ELFN1: variants seen among roughly 807,000 people sequenced by gnomAD.
ELFN1 encodes protein ELFN1.
ELFN1 carries 6 observed loss-of-function variants against 7.6 expected under a neutral mutation model. That is an observed-to-expected ratio of 0.79 (90% CI 0.43 to 1.56). The LOEUF (loss-of-function observed/expected upper bound fraction) is 1.56, where lower values mean the gene tolerates loss of function less well. ELFN1 is among the 40% of genes most tolerant of loss of function. ELFN1 has a pLI of 0.01. For synonymous variants in ELFN1, 657 were observed against 588.1 expected (o/e 1.12, Z -1.70); for missense variants, 1,169 against 1,232.2 (o/e 0.95, Z 0.77).
chr7:1,685,925 TAA>T (rs1208281273), intron 1 of ELFN1, among the ~76,000 whole-genome samples: 1 of 147,824 alleles, frequency 6.8e-6, no homozygotes, highest in Non-Finnish European at 1.5e-5. Flanking sequence ...ATATAAGTAT[TAA>T]AATATATATA....
intron 3 of ELFN1, among the ~76,000 whole-genome samples, chr7:1,710,368 G>A (rs1312628616): frequency 6.6e-6 from 1 of 152,202 alleles, no homozygotes; most frequent in East Asian, 1.9e-4. Context: ...TTAGAGGGAG[G>A]TATCTCAGGA....
At position 1,740,130 on chromosome 7, in the gene ELFN1, A is replaced by T. The variant is rs533114158; in HGVS notation, c.-293-4174A>T. Reference sequence around the variant, plus strand: ...CATTGCAGAGGGCTGGAGGTATCAGACCTGAGGGGTGCCCATTCCAGAGGC... The same window carrying T: ...CATTGCAGAGGGCTGGAGGTATCAGTCCTGAGGGGTGCCCATTCCAGAGGC... On this transcript the variant is annotated intron_variant, in intron 3 of 3. Coordinates refer to ENST00000424383, the MANE Select transcript of ELFN1 (RefSeq NM_001128636.4). The surrounding 1 kb of genome is among the most constrained non-coding windows in gnomAD (Gnocchi z 5.0). Among the ~76,000 whole-genome samples the T allele has an allele frequency of 5.9e-5, 9 of 152,248 alleles. No homozygotes were observed. Among genetic ancestry groups the T allele is most frequent in the African/African-American group, 1.9e-4 (8 of 41,538 alleles).
rs112518786 is a variant in ELFN1, at chr7:1,735,460, G to C, written c.-293-8844G>C. 0.11 allele frequency among the ~76,000 whole-genome samples: 17,415 copies of C among 152,050 alleles called. 3,056 individuals are homozygous for C. Among genetic ancestry groups the C allele is most frequent in the African/African-American group, 0.38 (15,879 of 41,430 alleles). ...AGCCCGGCCTCCTGGAGGGCAAGGC[G>C]GAGGTCAGGGGCCTGCTAGACCCAA... On this transcript the variant is annotated intron_variant, in intron 3 of 3. Transcript: ENST00000424383. The surrounding 1 kb of genome is among the most constrained non-coding windows in gnomAD (Gnocchi z 5.9).
chr7:1,678,653 C>T (rs867327525), intron 1 of ELFN1, among the ~76,000 whole-genome samples: 2 of 152,334 alleles, frequency 1.3e-5, no homozygotes, highest in Middle Eastern at 3.4e-3. Flanking sequence ...CTGGTGTCCT[C>T]TTCCTGCACC....
rs934513272 is a variant in ELFN1, at chr7:1,735,194, G to A, written c.-293-9110G>A. Among the ~76,000 whole-genome samples, 8 of 152,246 alleles carry A rather than the reference G, an allele frequency of 5.3e-5. No homozygotes were observed. Among genetic ancestry groups the A allele is most frequent in the East Asian group, 3.9e-4 (2 of 5,174 alleles). On this transcript the variant is annotated intron_variant, in intron 3 of 3. Coordinates refer to ENST00000424383, the MANE Select transcript of ELFN1 (RefSeq NM_001128636.4). The surrounding 1 kb of genome is among the most constrained non-coding windows in gnomAD (Gnocchi z 5.9). ...CATGCGGGAGGTGCTGCACACCGGC[G>A]GACCGTCGAGGAAACAGGAGCTTTT...
intron 3 of ELFN1, among the ~76,000 whole-genome samples, chr7:1,726,803 G>C (rs1254947919): frequency 6.6e-6 from 1 of 152,206 alleles, no homozygotes; most frequent in South Asian, 2.1e-4. Context: ...GCCCACAGGC[G>C]GGCTGGGATG....
intron 3 of ELFN1, among the ~76,000 whole-genome samples, chr7:1,736,603 G>A (rs1225848566): frequency 6.6e-6 from 1 of 152,230 alleles, no homozygotes; most frequent in East Asian, 1.9e-4. Flanking sequence ...GGACAGCGGG[G>A]TGCTCTCTGC....
intron 2 of ELFN1, among the ~76,000 whole-genome samples, chr7:1,700,824 T>C (rs1779411245): frequency 6.6e-6 from 1 of 152,262 alleles, no homozygotes; most frequent in Non-Finnish European, 1.5e-5. Flanking sequence ...CCTGGTATCT[T>C]ACCAAGCTTT....
At chr7:1,725,916 CACA>C (rs1780180757) in intron 3 of ELFN1, among the ~76,000 whole-genome samples, 1 of 151,906 alleles carries the variant, frequency 6.6e-6, no homozygotes, top group African/African-American at 2.4e-5. Flanking sequence ...AAAAATCACA[CACA>C]ACACACCCTC....
At chr7:1,690,649 G>A (rs950977615) in intron 2 of ELFN1, among the ~76,000 whole-genome samples, 4 of 151,442 alleles carry the variant, frequency 2.6e-5, no homozygotes, top group East Asian at 3.9e-4. Flanking sequence ...ATGAATGGGT[G>A]GGTGGAGAGG....
At chr7:1,724,099 C>A (rs9886168) in intron 3 of ELFN1, among the ~76,000 whole-genome samples, 1 of 152,118 alleles carries the variant, frequency 6.6e-6, no homozygotes, top group African/African-American at 2.4e-5. Context: ...ACATGTCTGC[C>A]CCTCGTCTGT....
chr7:1,666,790 G>T (rs760114318), upstream of ELFN1, among the ~76,000 whole-genome samples: 10 of 151,724 alleles, frequency 6.6e-5, no homozygotes, highest in Non-Finnish European at 1.2e-4. This position sits in a 1 kb window ranked among gnomAD's most constrained non-coding sequence, Gnocchi z 7.9. Flanking sequence ...TCGCAAAGCC[G>T]GCGTGGGGGG....
intron 2 of ELFN1, among the ~76,000 whole-genome samples, chr7:1,698,459 C>T (rs539306582): frequency 2.8e-4 from 43 of 152,262 alleles, no homozygotes; most frequent in African/African-American, 8.2e-4. Context: ...GCCTGGCCAC[C>T]GTTGGCAGCC....
chr7:1,713,841 C>T (rs763177844), intron 3 of ELFN1, among the ~76,000 whole-genome samples: 2 of 152,146 alleles, frequency 1.3e-5, no homozygotes, highest in Non-Finnish European at 2.9e-5. Flanking sequence ...CGCCAATCCC[C>T]GCACCCTGCG....
intron 2 of ELFN1, among the ~76,000 whole-genome samples, chr7:1,702,590 A>G (rs1188616451): frequency 6.6e-6 from 1 of 151,264 alleles, no homozygotes; most frequent in Non-Finnish European, 1.5e-5. Flanking sequence ...CCTTGAATGT[A>G]TAAATTAATT....
At chr7:1,733,943 G>A (rs1270032023) in intron 3 of ELFN1, among the ~76,000 whole-genome samples, 7 of 152,050 alleles carry the variant, frequency 4.6e-5, no homozygotes, top group African/African-American at 1.2e-4. Context: ...TGTGACCCCC[G>A]GTCAGAACAG....
At chr7:1,715,733 C>T (rs1053384029) in intron 3 of ELFN1, among the ~76,000 whole-genome samples, 3 of 152,188 alleles carry the variant, frequency 2.0e-5, no homozygotes, top group Admixed American at 6.5e-5. Context: ...AGACAGAAGG[C>T]GTGGCTGCAG....
rs1778806105 is a variant in ELFN1, at chr7:1,673,408, C to T, written c.-549+3054C>T. 6.6e-6 allele frequency among the ~76,000 whole-genome samples: 1 copy of T among 152,136 alleles called. No individual in the cohort carries two copies. Among genetic ancestry groups the T allele is most frequent in the Non-Finnish European group, 1.5e-5 (1 of 68,026 alleles). ...GCTGCCTCCCTTCACCCCTGTGCAC[C>T]CTGAGCCAGTCAGTGGCACCGACAG... is the stretch of plus-strand genomic sequence containing the variant. On this transcript the variant is annotated intron_variant, in intron 1 of 3. Coordinates refer to ENST00000424383, the MANE Select transcript of ELFN1 (RefSeq NM_001128636.4). This position sits in a 1 kb window ranked among gnomAD's most constrained non-coding sequence, Gnocchi z 4.7.
In ELFN1 at chr7:1,746,386, C is replaced by T. The variant is rs779164550; in HGVS notation, c.1790C>T (p.Pro597Leu). 11 of 1,536,060 alleles carry T rather than the reference C, an allele frequency of 7.2e-6. No individual in the cohort carries two copies. The highest frequency in any genetic ancestry group is 3.6e-5 in the South Asian group (3 of 83,524). Residue 597 changes from proline to leucine, a missense_variant, in exon 4 of 4, where the codon CCG (proline) becomes CTG (leucine). Pro to Leu is a moderately conservative substitution (Grantham distance 98, BLOSUM62 -3). Around this residue, in one of 2 missense-constraint regions of ELFN1, gnomAD observed 914 missense variants for 872.6 expected, o/e 1.05. Transcript: ENST00000424383. ...KSGPVSVAEP[P>L]LVLLSEPLAA... ...GGGCCCGTGTCCGTCGCGGAGCCGC[C>T]GCTGGTGCTGCTGTCCGAGCCGCTG...
Sources: allele counts gnomAD v4.1 joint callset (sites outside exome capture counted in the v4.1 genomes callset), GRCh38; gene constraint gnomAD v4.1.1; regional missense constraint gnomAD v4.1.1; non-coding constraint Gnocchi (gnomAD v3.1); transcripts MANE v1.5; gene names NCBI Gene and HGNC (gene_info 2026-07-23, HGNC 2026-07-21).